MAP4K3: variants seen among roughly 807,000 people sequenced by gnomAD.
MAP4K3 encodes MAPK/ERK kinase kinase kinase 3.
A neutral mutation model predicts 143.5 loss-of-function variants in MAP4K3; 94 were observed. That is an observed-to-expected ratio of 0.65 (90% CI 0.55 to 0.78). The LOEUF (loss-of-function observed/expected upper bound fraction) is 0.78, where lower values mean the gene tolerates loss of function less well. Ranked by LOEUF, MAP4K3 falls within the 30% of genes least tolerant of loss-of-function variation. The probability of loss-of-function intolerance (pLI) is 0.00; values close to 1 mark genes in which losing one functional copy is unlikely to be tolerated. For synonymous variants in MAP4K3, 416 were observed against 347.2 expected (o/e 1.20, Z -2.20); for missense variants, 1,077 against 1,068.1 (o/e 1.01, Z -0.12).
At chr2:39,348,203 G>A (rs1332720432) in intron 3 of MAP4K3, among the ~76,000 whole-genome samples, 1 of 151,946 alleles carries the variant, frequency 6.6e-6, no homozygotes, top group Non-Finnish European at 1.5e-5. Context: ...AATGAATGCA[G>A]GAAATGAGTT....
At chr2:39,342,135 TTATTATTATTA>T (rs1665160834) in intron 4 of MAP4K3, among the ~76,000 whole-genome samples, 1 of 149,100 alleles carries the variant, frequency 6.7e-6, no homozygotes, top group Non-Finnish European at 1.5e-5. Flanking sequence ...ATTATTATTA[TTATTATTATTA>T]TTATTATTTT....
chr2:39,426,640 G>T (rs1408219099), intron 1 of MAP4K3, among the ~76,000 whole-genome samples: 1 of 151,886 alleles, frequency 6.6e-6, no homozygotes, highest in Non-Finnish European at 1.5e-5. Context: ...ATCTTGGAAA[G>T]GATGTATGAG....
At chr2:39,324,012 C>T (rs548297824) in intron 12 of MAP4K3, among the ~76,000 whole-genome samples, 1 of 152,100 alleles carries the variant, frequency 6.6e-6, no homozygotes, top group East Asian at 1.9e-4. Context: ...TTTTACAGTC[C>T]CATACTACCA....
At chr2:39,344,191 C>T (rs1421543416) in intron 3 of MAP4K3, among the ~76,000 whole-genome samples, 1 of 152,112 alleles carries the variant, frequency 6.6e-6, no homozygotes, top group Non-Finnish European at 1.5e-5. Context: ...GAAGAATATC[C>T]AGCAAATAAT....
intron 1 of MAP4K3, among the ~76,000 whole-genome samples, chr2:39,401,704 G>T (rs1485372866): frequency 1.3e-5 from 2 of 152,092 alleles, no homozygotes; most frequent in Non-Finnish European, 2.9e-5. Flanking sequence ...GGGGAGCTTA[G>T]GTGGGCATTT....
intron 1 of MAP4K3, among the ~76,000 whole-genome samples, chr2:39,384,657 CAT>C (rs1217849891): frequency 3.3e-5 from 5 of 152,242 alleles, no homozygotes; most frequent in African/African-American, 9.6e-5. Context: ...CCCCATACCA[CAT>C]GTGCCTATTG....
Position 39,355,931 on chromosome 2 carries a change from C to A in MAP4K3, c.245+318G>T, listed in dbSNP as rs145810278. 1.4e-4 allele frequency among the ~76,000 whole-genome samples: 22 copies of A among 152,332 alleles called. No homozygotes were observed. In the East Asian group the frequency reaches 4.2e-3, roughly 29 times the overall value. On this transcript the variant is annotated intron_variant, in intron 3 of 33. Transcript: ENST00000263881. ...TGGAAGAGATGCTCCTGACTCTACA[C>A]TGACCTAAGTCCAGAAGAAAGGGGC... is the stretch of plus-strand genomic sequence containing the variant.
rs138576109 is a variant in MAP4K3, at chr2:39,292,765, G to T, written c.1271+8C>A. The T allele has an allele frequency of 1.4e-3, 2,234 of 1,610,938 alleles. 5 individuals carry two copies. The highest frequency in any genetic ancestry group is 1.7e-3 in the Non-Finnish European group (2,001 of 1,177,394). ...TTTCTTTTTACCAAAAACAGAGACA[G>T]AACTTACTGTTTAGATTCATCATCA... On this transcript the variant is annotated splice_region_variant and intron_variant, in intron 18 of 33. Transcript: ENST00000263881.
chr2:39,366,765 T>C (rs956386308), intron 2 of MAP4K3, among the ~76,000 whole-genome samples: 1 of 152,224 alleles, frequency 6.6e-6, no homozygotes, highest in African/African-American at 2.4e-5. Flanking sequence ...CAGGAAATAC[T>C]CTGAAACACT....
chr2:39,405,266 A>G (rs1054861170), intron 1 of MAP4K3, among the ~76,000 whole-genome samples: 27 of 152,324 alleles, frequency 1.8e-4, no homozygotes, highest in Non-Finnish European at 7.3e-5. Flanking sequence ...AAGGAAGAGA[A>G]TAAGAGACTG....
intron 16 of MAP4K3, 151 bp from the exon 17 acceptor site, chr2:39,293,419 A>G: frequency 1.7e-6 from 1 of 579,352 alleles, no homozygotes; most frequent in Non-Finnish European, 3.1e-6. Context: ...CACCTCTGCA[A>G]CCATAAAACA....
intron 27 of MAP4K3, among the ~76,000 whole-genome samples, chr2:39,266,768 G>A (rs1356540321): frequency 6.6e-6 from 1 of 152,034 alleles, no homozygotes; most frequent in African/African-American, 2.4e-5. Context: ...ATTGGGGTGG[G>A]GGAGGAATTT....
At chr2:39,392,322 T>A (rs1181762547) in intron 1 of MAP4K3, among the ~76,000 whole-genome samples, 2 of 152,270 alleles carry the variant, frequency 1.3e-5, no homozygotes, top group East Asian at 1.9e-4. Flanking sequence ...AAAATGCATA[T>A]TTTTTAATTC....
At chr2:39,262,815 G>A (rs1017502681) in intron 28 of MAP4K3, among the ~76,000 whole-genome samples, 2 of 152,076 alleles carry the variant, frequency 1.3e-5, no homozygotes, top group African/African-American at 2.4e-5. Context: ...TAATGAAAAT[G>A]CAGTCCAGGC....
At position 39,254,692 on chromosome 2, in the gene MAP4K3, G is replaced by C. The variant is rs561726436; in HGVS notation, c.2471-172C>G. Among the ~76,000 whole-genome samples, 45 of 152,164 alleles carry C rather than the reference G, an allele frequency of 3.0e-4. 1 individual carries two copies. The highest frequency in any genetic ancestry group is 1.1e-3 in the African/African-American group (45 of 41,518). ...AAAGTTTAAAAATATACTATACAGA[G>C]CTTATGCATCTTTTTGGTAGGAAAA... On this transcript the variant is annotated intron_variant, in intron 31 of 33. Coordinates refer to ENST00000263881, the MANE Select transcript of MAP4K3 (RefSeq NM_003618.4).
At chr2:39,293,648 T>C (rs973029618) in intron 16 of MAP4K3, among the ~76,000 whole-genome samples, 7 of 152,206 alleles carry the variant, frequency 4.6e-5, no homozygotes, top group African/African-American at 1.7e-4. Context: ...ATTTTATACC[T>C]GACACCTGAA....
At chr2:39,300,487 C>G (rs974275928) in intron 15 of MAP4K3, among the ~76,000 whole-genome samples, 3 of 152,108 alleles carry the variant, frequency 2.0e-5, no homozygotes, top group African/African-American at 7.2e-5. Flanking sequence ...AACTCAAATG[C>G]CTTCTTGAGA....
At chr2:39,422,862 G>T (rs980175208) in intron 1 of MAP4K3, among the ~76,000 whole-genome samples, 2 of 152,082 alleles carry the variant, frequency 1.3e-5, no homozygotes, top group Admixed American at 6.5e-5. Context: ...AGTGACCATG[G>T]TCTAGCATTG....
rs542517957 is a variant in MAP4K3, at chr2:39,369,242, C to CTAGA, written c.154+8820_154+8823dup. 6.5e-5 allele frequency among the ~76,000 whole-genome samples: 6 copies of CTAGA among 92,136 alleles called. No homozygotes were observed. The South Asian group carries it at 2.2e-3, about 33-fold the overall frequency. The allele number at this position is 92,136 out of a possible 152,430, so 60.4% of individuals were successfully genotyped here. On this transcript the variant is annotated intron_variant, in intron 2 of 33. Coordinates refer to ENST00000263881, the MANE Select transcript of MAP4K3 (RefSeq NM_003618.4). The stretch of plus-strand genomic sequence containing the variant: ...ATGCAGTTTTGCTCTGTCACCCAGG[C>CTAGA]TAGAGTGCAGTGGTGTGATCTTGGC...
Sources: gnomAD v4.1 joint callset for allele counts (sites outside exome capture counted in the v4.1 genomes callset) on GRCh38, gnomAD v4.1.1 for gene constraint, MANE v1.5 for transcripts, NCBI Gene and HGNC (gene_info 2026-07-23, HGNC 2026-07-21) for gene names.